CYP2S1: variants seen among roughly 807,000 people sequenced by gnomAD.
CYP2S1 encodes the protein cytochrome P450 family 2 subfamily S member 1, also known as cytochrome P450 2S1.
A neutral mutation model predicts 43.5 loss-of-function variants in CYP2S1; 32 were observed. The ratio of observed to expected loss-of-function variants is 0.74; its 90% CI spans 0.56 to 0.99. The LOEUF (loss-of-function observed/expected upper bound fraction) is 0.99, where lower values mean the gene tolerates loss of function less well. Ranked by LOEUF, CYP2S1 falls within the 50% of genes least tolerant of loss-of-function variation. The pLI, the probability that CYP2S1 is intolerant of heterozygous loss-of-function variation, is 0.00. For synonymous variants in CYP2S1, 283 were observed against 302.9 expected (o/e 0.93, Z 0.68); for missense variants, 575 against 673.9 (o/e 0.85, Z 1.62).
chr19:41,205,418 T>TTC (rs11311956), intron 7 of CYP2S1, among the ~76,000 whole-genome samples: 5 of 87,948 alleles, frequency 5.7e-5, no homozygotes, highest in African/African-American at 1.3e-4. Flanking sequence ...CTTTCTTTCT[T>TTC]TCTCTCTCTC....
intron 6 of CYP2S1, among the ~76,000 whole-genome samples, chr19:41,202,694 G>A (rs1042762269): frequency 1.3e-5 from 2 of 151,984 alleles, no homozygotes; most frequent in Non-Finnish European, 2.9e-5. Flanking sequence ...GGAGACTGAG[G>A]TGGAAGGATC....
chr19:41,205,398 TTC>T (rs1271596316), intron 7 of CYP2S1, among the ~76,000 whole-genome samples: 19 of 78,000 alleles, frequency 2.4e-4, no homozygotes, highest in East Asian at 1.0e-3. Context: ...CTCTCTTTCT[TTC>T]TCTCTTTCTT....
chr19:41,203,490 C>G lies in CYP2S1; in HGVS notation c.1017C>G (p.Gly339=), dbSNP rs541458934. The part of the protein sequence containing the change: ...REELNRELGA[G]QAPSLGDRTR... ...AGCTGAATCGGGAGCTGGGGGCTGGCCAGGCACCAAGCCTAGGGGACCGTA... is the reference window on the plus strand; with the variant it reads ...AGCTGAATCGGGAGCTGGGGGCTGGGCAGGCACCAAGCCTAGGGGACCGTA... The change falls in exon 7 of 9, where the codon GGC becomes GGG. Residue 339 remains glycine, a synonymous_variant. Transcript: ENST00000310054. The G allele has an allele frequency of 5.6e-6, 9 of 1,607,338 alleles. No homozygotes were observed. In the East Asian group the frequency reaches 2.0e-4, roughly 36 times the overall value.
In CYP2S1 at chr19:41,193,440, G is replaced by T; in HGVS notation, c.176G>T (p.Arg59Leu). ...RPGALYSGLM[R>L]LSKKYGPVFT... ...GGGGCGCTGTATTCAGGGCTCATGC[G>T]GGTAAGGGGCTCTGGGGACGTCCTG... The change falls in exon 1 of 9, where the codon CGG becomes CTG. Residue 59 changes from arginine to leucine, a missense_variant and splice_region_variant. Arg to Leu is a moderately radical substitution (Grantham distance 102). Coordinates refer to ENST00000310054, the MANE Select transcript of CYP2S1 (RefSeq NM_030622.8). The T allele has an allele frequency of 2.8e-6, 4 of 1,454,534 alleles. No individual in the cohort carries two copies. Among genetic ancestry groups the T allele is most frequent in the East Asian group, 2.7e-5 (1 of 36,808 alleles). The allele number at this position is 1,454,534 out of a possible 1,614,324, so 90.1% of individuals were successfully genotyped here.
rs1168328760 is a variant in CYP2S1 at position 41,197,893 on chromosome 19, C to A, written c.458C>A (p.Ala153Asp). Reference sequence around the variant, plus strand: ...GGCGAGGAGCTGATCCAGGCGGAGGCCCGGTGTCTGGTGGAGACATTCCAG... The same window carrying A: ...GGCGAGGAGCTGATCCAGGCGGAGGACCGGTGTCTGGTGGAGACATTCCAG... ...REGEELIQAE[A>D]RCLVETFQGT... The change falls in exon 3 of 9, where the codon GCC becomes GAC. Residue 153 changes from alanine (A) to aspartate (D), a missense_variant. By Grantham distance (126) the Ala-to-Asp change is moderately radical (BLOSUM62 -2). Coordinates refer to ENST00000310054, the MANE Select transcript of CYP2S1 (RefSeq NM_030622.8). 2.5e-6 allele frequency: 4 copies of A among 1,613,712 alleles called. No homozygotes were observed. Among genetic ancestry groups the A allele is most frequent in the East Asian group, 2.2e-5 (1 of 44,878 alleles).
intron 7 of CYP2S1, 71 bp downstream of exon 7, chr19:41,203,708 T>G: frequency 7.1e-7 from 1 of 1,408,764 alleles, no homozygotes; most frequent in Non-Finnish European, 9.3e-7. Flanking sequence ...TTGCTGTCAG[T>G]GTCTCCCTGA....
At chr19:41,199,754 C>A (rs113656866) in intron 5 of CYP2S1, among the ~76,000 whole-genome samples, 36 of 151,544 alleles carry the variant, frequency 2.4e-4, no homozygotes, top group Non-Finnish European at 4.9e-4. Context: ...CACCTGAGGT[C>A]GGGAGTTCGA....
chr19:41,197,419 G>C (rs969422417), intron 2 of CYP2S1, among the ~76,000 whole-genome samples: 1 of 152,054 alleles, frequency 6.6e-6, no homozygotes, highest in Non-Finnish European at 1.5e-5. Context: ...AGGAGGAATC[G>C]GCCGGGCGCG....
rs758485767 is a variant in CYP2S1, at chr19:41,193,373, A to C, written c.109A>C (p.Thr37Pro). The C allele has an allele frequency of 2.0e-6, 3 of 1,532,716 alleles. No individual in the cohort carries two copies. 94.9% of individuals were successfully genotyped at this position (1,532,716 alleles called of 1,614,324 possible). The change falls in exon 1 of 9, where the codon ACG becomes CCG. Residue 37 changes from threonine (T) to proline (P), a missense_variant. By Grantham distance (38) the Thr-to-Pro change is conservative. This residue lies in a region of CYP2S1 where 353 missense variants were observed against 367.6 expected (regional missense o/e 0.96). Coordinates refer to ENST00000310054, the MANE Select transcript of CYP2S1 (RefSeq NM_030622.8). Reference sequence around the variant, plus strand: ...CCGAGGCCACCTGCCCCCCGGGCCCACGCCGCTACCACTGCTGGGAAACCT... The same window carrying C: ...CCGAGGCCACCTGCCCCCCGGGCCCCCGCCGCTACCACTGCTGGGAAACCT... ...RARGHLPPGP[T>P]PLPLLGNLLQ...
chr19:41,194,388 C>G (rs1314020830), intron 1 of CYP2S1, among the ~76,000 whole-genome samples, 156 bp from the exon 2 acceptor site: 2 of 152,032 alleles, frequency 1.3e-5, no homozygotes, highest in African/African-American at 2.4e-5. Context: ...AAAAAGAGAA[C>G]TGAGCCTCAG....
In CYP2S1 at chr19:41,203,602, C is replaced by G. The variant is rs755173146; in HGVS notation, c.1129C>G (p.Arg377Gly). Residue 377 changes from arginine to glycine, a missense_variant, in exon 7 of 9, where the codon CGG becomes GGG. By Grantham distance (125) the Arg-to-Gly change is moderately radical. Coordinates refer to ENST00000310054, the MANE Select transcript of CYP2S1 (RefSeq NM_030622.8). ...CATGGGAATACCCCGCACCCTCATGCGGACCACCCGCTTCCGAGGGTACAC... is the reference window on the plus strand; with the variant it reads ...CATGGGAATACCCCGCACCCTCATGGGGACCACCCGCTTCCGAGGGTACAC... The part of the protein sequence containing the change: ...VPMGIPRTLM[R>G]TTRFRGYTLP... The G allele has an allele frequency of 1.3e-6, 2 of 1,551,712 alleles. No homozygotes were observed. Among genetic ancestry groups the G allele is most frequent in the East Asian group, 2.4e-5 (1 of 40,858 alleles).
rs2033441504 is a variant in CYP2S1, at chr19:41,198,354, A to G, written c.494-108A>G. On this transcript the variant is annotated intron_variant, in intron 3 of 8. Coordinates refer to ENST00000310054, the MANE Select transcript of CYP2S1 (RefSeq NM_030622.8). The surrounding 1 kb of genome is among the most constrained non-coding windows in gnomAD (Gnocchi z 4.9). The stretch of plus-strand genomic sequence containing the variant: ...GTTTAGCTCTCTCCCTGCGCTGTCC[A>G]TCCATCTTTCCCTGCCTCCCTGTCT... The G allele has an allele frequency of 7.0e-7, 1 of 1,428,526 alleles. No homozygotes were observed. The highest frequency in any genetic ancestry group is 9.6e-7 in the Non-Finnish European group (1 of 1,043,068). The allele number at this position is 1,428,526 out of a possible 1,614,324, so 88.5% of individuals were successfully genotyped here. A position where few individuals can be genotyped will look rare whatever the true frequency, so the allele number is the denominator to read the frequency against.
intron 1 of CYP2S1, chr19:41,193,688 T>C: frequency 1.5e-6 from 1 of 654,208 alleles, no homozygotes; most frequent in African/African-American, 1.9e-5. Context: ...CAGAGACCTC[T>C]GCCTACAGAA....
At chr19:41,203,137 G>A (rs568165731) in intron 6 of CYP2S1, among the ~76,000 whole-genome samples, 119 of 151,622 alleles carry the variant, frequency 7.8e-4, no homozygotes, top group South Asian at 3.5e-3. Context: ...GCTTGAATCC[G>A]GGAGGCAGAG....
In CYP2S1 at chr19:41,194,679, G is replaced by A; in HGVS notation, c.313G>A (p.Ala105Thr). The change falls in exon 2 of 9, where the codon GCG becomes ACG. Residue 105 changes from alanine to threonine, a missense_variant. By Grantham distance (58) the Ala-to-Thr change is moderately conservative. Coordinates refer to ENST00000310054, the MANE Select transcript of CYP2S1 (RefSeq NM_030622.8). ...GGAGTTCAGCGGCCGGGGAACCGTA[G>A]CGATGCTGGAAGGGACTTTTGATGG... ...AEEFSGRGTV[A>T]MLEGTFDGHG... 6.2e-7 allele frequency: 1 copy of A among 1,612,430 alleles called. No homozygotes were observed.
At position 41,207,128 on chromosome 19, in the gene CYP2S1, C is replaced by T. The variant is rs1599717839; in HGVS notation, c.*640C>T. The T allele has an allele frequency of 1.7e-5, 5 of 301,378 alleles. No individual in the cohort carries two copies. The highest frequency in any genetic ancestry group is 6.3e-5 in the South Asian group (2 of 31,858). 18.7% of individuals were successfully genotyped at this position (301,378 alleles called of 1,614,324 possible). On this transcript the variant is annotated 3_prime_UTR_variant, in exon 9 of 9. Coordinates refer to ENST00000310054, the MANE Select transcript of CYP2S1 (RefSeq NM_030622.8). ...AGAGTATCTTCCCACTGAGACACGC[C>T]GCCCCCACAGAGGCACAGTCCCCAG... is the stretch of plus-strand genomic sequence containing the variant.
At chr19:41,195,382 T>A (rs1269600589) in intron 2 of CYP2S1, among the ~76,000 whole-genome samples, 1 of 152,066 alleles carries the variant, frequency 6.6e-6, no homozygotes. Flanking sequence ...TGCCAGGAAC[T>A]CAGTAGTAAC....
intron 1 of CYP2S1, among the ~76,000 whole-genome samples, chr19:41,194,261 T>C (rs1250745587): frequency 6.6e-6 from 1 of 152,054 alleles, no homozygotes; most frequent in Admixed American, 6.6e-5. Flanking sequence ...AGACCCAAAC[T>C]GCTTCTGGAT....
chr19:41,197,648 C>G, intron 2 of CYP2S1, 131 bp from the exon 3 acceptor site: 2 of 1,368,396 alleles, frequency 1.5e-6, no homozygotes, highest in African/African-American at 3.0e-5. Flanking sequence ...TGCAGTGAGA[C>G]GAGATCACGC....
Sources: gnomAD v4.1 joint callset for allele counts (sites outside exome capture counted in the v4.1 genomes callset) on GRCh38, gnomAD v4.1.1 for gene constraint, gnomAD v4.1.1 regional missense constraint, Gnocchi (gnomAD v3.1) non-coding constraint, MANE v1.5 for transcripts, NCBI Gene and HGNC (gene_info 2026-07-23, HGNC 2026-07-21) for gene names.